Variants in PDE4B observed in about 807,000 individuals in gnomAD.
The protein encoded by PDE4B is 3',5'-cyclic-AMP phosphodiesterase 4B.
In PDE4B, 20 loss-of-function variants were observed where a neutral mutation model predicts 82.2. That is an observed-to-expected ratio of 0.24 (90% confidence interval 0.17 to 0.35). The LOEUF is 0.35. Ranked by LOEUF, PDE4B falls within the 10% of genes least tolerant of loss-of-function variation. PDE4B has a pLI of 1.00. For synonymous variants in PDE4B, 320 were observed against 318.9 expected, an observed-to-expected ratio of 1.00 and a Z score of -0.04; for missense variants, 655 against 907.2, an observed-to-expected ratio of 0.72 and a Z score of 3.57.
chr1:65,960,285 GA>G (rs1360879358), intron 3 of PDE4B, among the ~76,000 whole-genome samples: 1 of 151,926 alleles, frequency 6.6e-6, no homozygotes, highest in Non-Finnish European at 1.5e-5. Context: ...ACAGTTCCAA[GA>G]AGCCCAAGGC....
At chr1:65,958,817 T>A (rs1649399761) in intron 3 of PDE4B, among the ~76,000 whole-genome samples, 1 of 152,162 alleles carries the variant, frequency 6.6e-6, no homozygotes. Context: ...CTTTTTAACC[T>A]GTTTTATCTG....
At chr1:66,298,000 A>C (rs1657630936) in intron 7 of PDE4B, among the ~76,000 whole-genome samples, 1 of 152,142 alleles carries the variant, frequency 6.6e-6, no homozygotes, top group Non-Finnish European at 1.5e-5. Context: ...AAGCTGTTTT[A>C]ATCATTTGTA....
At chr1:65,971,070 G>T (rs1650105560) in intron 3 of PDE4B, among the ~76,000 whole-genome samples, 1 of 150,566 alleles carries the variant, frequency 6.6e-6, no homozygotes, top group Non-Finnish European at 1.5e-5. Context: ...ATTGTATAAA[G>T]CAAGAGTGAC....
chr1:66,095,665 A>C (rs1048944464), intron 3 of PDE4B, among the ~76,000 whole-genome samples: 5 of 151,982 alleles, frequency 3.3e-5, no homozygotes, highest in African/African-American at 1.2e-4. Context: ...GTTCTCTATG[A>C]TATATGATGT....
intron 3 of PDE4B, among the ~76,000 whole-genome samples, chr1:66,200,282 T>G (rs2101527039): frequency 6.6e-6 from 1 of 152,340 alleles, no homozygotes; most frequent in East Asian, 1.9e-4. Flanking sequence ...GGTAGCGTGA[T>G]GCCTCCAGCT....
At chr1:65,897,577 C>T (rs1024527890) in intron 1 of PDE4B, among the ~76,000 whole-genome samples, 3 of 151,916 alleles carry the variant, frequency 2.0e-5, no homozygotes, top group African/African-American at 4.8e-5. Context: ...TAAGTGAGAG[C>T]GTGTGTATTT....
At chr1:65,860,034 G>T (rs1273459704) in intron 1 of PDE4B, among the ~76,000 whole-genome samples, 1 of 151,946 alleles carries the variant, frequency 6.6e-6, no homozygotes, top group Non-Finnish European at 1.5e-5. Flanking sequence ...CTCTCTCTCT[G>T]TTTTTTAAAA....
intron 7 of PDE4B, among the ~76,000 whole-genome samples, chr1:66,269,309 T>G (rs1655289286): frequency 6.6e-6 from 1 of 152,116 alleles, no homozygotes; most frequent in African/African-American, 2.4e-5. Flanking sequence ...AGTAGAGCAA[T>G]GGAGAATTTC....
chr1:65,993,904 C>T (rs996527711), intron 3 of PDE4B, among the ~76,000 whole-genome samples: 7 of 151,958 alleles, frequency 4.6e-5, no homozygotes, highest in South Asian at 4.1e-4. Context: ...GGGTAACGTC[C>T]TTAAACAGTA....
chr1:66,096,432 A>G (rs1368700232), intron 3 of PDE4B, among the ~76,000 whole-genome samples: 1 of 148,190 alleles, frequency 6.7e-6, no homozygotes, highest in Non-Finnish European at 1.5e-5. Context: ...ACTTTGTCCA[A>G]AATGGCTGCC....
chr1:66,234,372 T>A (rs982438833), intron 3 of PDE4B, among the ~76,000 whole-genome samples: 1 of 152,198 alleles, frequency 6.6e-6, no homozygotes. Context: ...CACTGCAACC[T>A]CTGCCTCCCG....
In PDE4B at chr1:66,363,452, A is replaced by G. The variant is rs1570779771; in HGVS notation, c.1165A>G (p.Ile389Val). Residue 389 changes from isoleucine (I) to valine (V), a missense_variant, in exon 12 of 17, where the codon ATA becomes GTA. By Grantham distance (29) the Ile-to-Val change is conservative. This residue lies in a region of PDE4B where 283 missense variants were observed against 516.4 expected (regional missense o/e 0.55). Coordinates refer to ENST00000341517, the MANE Select transcript of PDE4B (RefSeq NM_002600.4). ...KTFRISSDTF[I>V]TYMMTLEDHY... ...ATTCAGAATCTCATCTGACACATTT[A>G]TAACCTACATGATGACTTTAGAAGA... is the stretch of plus-strand genomic sequence containing the variant. 6.2e-7 allele frequency: 1 copy of G among 1,613,568 alleles called. No individual in the cohort carries two copies. Among genetic ancestry groups the G allele is most frequent in the East Asian group, 2.2e-5 (1 of 44,882 alleles).
At chr1:66,157,828 AC>A (rs67416314) in intron 3 of PDE4B, among the ~76,000 whole-genome samples, 80,720 of 151,552 alleles carry the variant, frequency 0.53, 24,024 homozygotes, top group Non-Finnish European at 0.68. Flanking sequence ...TTAAATATAA[AC>A]CTTTTAACTA....
At chr1:66,318,754 C>T (rs747192910) in intron 7 of PDE4B, among the ~76,000 whole-genome samples, 1 of 152,104 alleles carries the variant, frequency 6.6e-6, no homozygotes, top group Admixed American at 6.5e-5. Flanking sequence ...AACATGTAAT[C>T]AAATATATGC....
At chr1:66,143,435 A>C (rs1646212183) in intron 3 of PDE4B, among the ~76,000 whole-genome samples, 1 of 152,198 alleles carries the variant, frequency 6.6e-6, no homozygotes, top group Non-Finnish European at 1.5e-5. Flanking sequence ...AGCACGGTTG[A>C]AGTAAGGAGT....
rs148936239 is a variant in PDE4B, at chr1:65,861,847, C to T, written c.-70-51398C>T. Among the ~76,000 whole-genome samples, 781 of 151,950 alleles carry T rather than the reference C, an allele frequency of 5.1e-3. 9 individuals carry two copies. The highest frequency in any genetic ancestry group is 0.018 in the African/African-American group (730 of 41,470). On this transcript the variant is annotated intron_variant, in intron 1 of 16. Coordinates refer to ENST00000341517, the MANE Select transcript of PDE4B (RefSeq NM_002600.4). ...AGTTCACTCATGATTTGGCTCTCTGCTTGCCTATTATTGGTGCATAAGAAT... is the reference window on the plus strand; with the variant it reads ...AGTTCACTCATGATTTGGCTCTCTGTTTGCCTATTATTGGTGCATAAGAAT...
At chr1:66,272,553 T>TTC (rs1477165465) in intron 7 of PDE4B, among the ~76,000 whole-genome samples, 1 of 152,140 alleles carries the variant, frequency 6.6e-6, no homozygotes, top group Non-Finnish European at 1.5e-5. Context: ...CTTTCTGACT[T>TTC]TGAGTAGCAT....
At chr1:65,987,842 C>G (rs1030870182) in intron 3 of PDE4B, among the ~76,000 whole-genome samples, 6 of 152,124 alleles carry the variant, frequency 3.9e-5, no homozygotes, top group Non-Finnish European at 7.4e-5. Context: ...CTGAACCCCC[C>G]ACATCAGGTG....
chr1:66,201,036 T>C (rs1648882717), intron 3 of PDE4B, among the ~76,000 whole-genome samples: 1 of 152,246 alleles, frequency 6.6e-6, no homozygotes, highest in Non-Finnish European at 1.5e-5. Flanking sequence ...ACCTAATTTA[T>C]TGAGAGTTTT....
Sources: allele counts gnomAD v4.1 joint callset (sites outside exome capture counted in the v4.1 genomes callset), GRCh38; gene constraint gnomAD v4.1.1; regional missense constraint gnomAD v4.1.1; transcripts MANE v1.5; gene names NCBI Gene and HGNC (gene_info 2026-07-23, HGNC 2026-07-21).